SCP2: variants seen among roughly 807,000 people sequenced by gnomAD.
SCP2 encodes sterol carrier protein 2.
SCP2 carries 48 observed loss-of-function variants against 71.4 expected under a neutral mutation model. The observed-to-expected ratio is 0.67, with a 90% CI of 0.53 to 0.86. The LOEUF (loss-of-function observed/expected upper bound fraction) is 0.86. SCP2 is among the 40% of genes least tolerant of loss of function. The pLI is 0.00. For missense variants in SCP2, 560 were observed against 655.6 expected (o/e 0.85, Z 1.59); for synonymous variants, 220 against 218.1 (o/e 1.01, Z -0.08).
intron 5 of SCP2, among the ~76,000 whole-genome samples, chr1:52,960,562 G>GTA (rs771645105): frequency 0.012 from 1,777 of 142,818 alleles, 45 homozygotes; most frequent in African/African-American, 0.044. Context: ...GTGTATATAT[G>GTA]TATGTATATA....
At chr1:53,011,981 AG>A (rs1298673734) in intron 11 of SCP2, among the ~76,000 whole-genome samples, 10 of 152,202 alleles carry the variant, frequency 6.6e-5, no homozygotes, top group African/African-American at 2.4e-4. Flanking sequence ...CCTGTCTCTC[AG>A]TCCCATTCTC....
At chr1:53,048,233 G>A in intron 15 of SCP2, 1 of 384,138 alleles carries the variant, frequency 2.6e-6, no homozygotes, top group East Asian at 6.3e-5. Flanking sequence ...GGAGGATGAA[G>A]GCAGGAGCAG....
intron 2 of SCP2, among the ~76,000 whole-genome samples, chr1:52,945,076 A>G (rs1654649608): frequency 6.6e-6 from 1 of 152,150 alleles, no homozygotes; most frequent in African/African-American, 2.4e-5. Context: ...TAATGAAAAC[A>G]AAATTTTGAC....
chr1:52,950,700 T>A lies in SCP2; in HGVS notation c.200-55T>A. On this transcript the variant is annotated intron_variant, in intron 3 of 15. Transcript: ENST00000371514. ...TGAAAAAACCCATAATGTAGTATTA[T>A]GTTGCATTGCAACTCCATAATTCTC... 6 of 1,434,602 alleles carry A rather than the reference T, an allele frequency of 4.2e-6. No individual in the cohort carries two copies. The South Asian group carries it at 5.7e-5, about 14-fold the overall frequency. The allele number at this position is 1,434,602 out of a possible 1,614,324, so 88.9% of individuals were successfully genotyped here.
At chr1:52,948,907 A>G (rs959461072) in intron 3 of SCP2, among the ~76,000 whole-genome samples, 1 of 151,436 alleles carries the variant, frequency 6.6e-6, no homozygotes, top group African/African-American at 2.4e-5. Flanking sequence ...AGTTTGTACC[A>G]TTTGACTAAC....
In SCP2 at chr1:52,974,726, G is replaced by A. The variant is rs199640703; in HGVS notation, c.524-43G>A. 3.9e-5 allele frequency: 38 copies of A among 977,196 alleles called. No homozygotes were observed. In the African/African-American group the frequency reaches 4.3e-4, roughly 11 times the overall value. 60.5% of individuals were successfully genotyped at this position (977,196 alleles called of 1,614,324 possible). A position where few individuals can be genotyped will look rare whatever the true frequency, so the allele number is the denominator to read the frequency against. ...ATTGCAAGATTTGTTAATAAGCAGCGGAAAAACATTCACCCACTGGTAGAT... is the reference window on the plus strand; with the variant it reads ...ATTGCAAGATTTGTTAATAAGCAGCAGAAAAACATTCACCCACTGGTAGAT... On this transcript the variant is annotated intron_variant, in intron 6 of 15. Transcript: ENST00000371514.
intron 1 of SCP2, among the ~76,000 whole-genome samples, chr1:52,936,108 G>A (rs1323626427): frequency 6.6e-6 from 1 of 152,158 alleles, no homozygotes; most frequent in Non-Finnish European, 1.5e-5. Context: ...AAAGATAATT[G>A]CAGAAATGCT....
intron 13 of SCP2, among the ~76,000 whole-genome samples, chr1:53,035,739 T>C (rs1662879856): frequency 6.6e-6 from 1 of 152,132 alleles, no homozygotes; most frequent in Non-Finnish European, 1.5e-5. Flanking sequence ...AACAACAAGA[T>C]GCTAACATTC....
intron 12 of SCP2, among the ~76,000 whole-genome samples, chr1:53,015,481 C>G (rs1661272532): frequency 6.6e-6 from 1 of 152,166 alleles, no homozygotes; most frequent in Admixed American, 6.5e-5. Flanking sequence ...GACTTTCTTC[C>G]TCTCCTTCAA....
intron 6 of SCP2, among the ~76,000 whole-genome samples, chr1:52,968,103 G>A (rs532801890): frequency 6.6e-6 from 1 of 152,108 alleles, no homozygotes; most frequent in East Asian, 1.9e-4. Flanking sequence ...ACCATGCCTG[G>A]CTAATTTTTT....
intron 1 of SCP2, among the ~76,000 whole-genome samples, chr1:52,932,606 T>G (rs1653265002): frequency 6.6e-6 from 1 of 152,216 alleles, no homozygotes; most frequent in South Asian, 2.1e-4. Context: ...GAATATGTTC[T>G]GGATGGGTCC....
At chr1:52,985,645 A>T (rs985242631) in intron 10 of SCP2, among the ~76,000 whole-genome samples, 1 of 152,186 alleles carries the variant, frequency 6.6e-6, no homozygotes, top group African/African-American at 2.4e-5. Flanking sequence ...CGAACAAGCC[A>T]AATATGATCT....
At position 52,976,782 on chromosome 1, in the gene SCP2, T is replaced by C; in HGVS notation, c.674+13T>C. 7.9e-7 allele frequency: 1 copy of C among 1,257,904 alleles called. No individual in the cohort carries two copies. Among genetic ancestry groups the C allele is most frequent in the Non-Finnish European group, 1.2e-6 (1 of 855,396 alleles). 77.9% of individuals were successfully genotyped at this position (1,257,904 alleles called of 1,614,324 possible). A position where few individuals can be genotyped will look rare whatever the true frequency, so the allele number is the denominator to read the frequency against. ...TCTTACAATGTTGGTAAGAAAAATA[T>C]ATTTTAACATTTAATGAGGGAAGTA... On this transcript the variant is annotated intron_variant, in intron 8 of 15. Transcript: ENST00000371514.
chr1:52,995,913 T>A, intron 11 of SCP2: 1 of 1,491,504 alleles, frequency 6.7e-7, no homozygotes, highest in Non-Finnish European at 8.9e-7. Flanking sequence ...GAGACGAGAG[T>A]TCAACAAGGC....
intron 2 of SCP2, among the ~76,000 whole-genome samples, chr1:52,942,298 A>G (rs1343183519): frequency 6.6e-6 from 1 of 152,162 alleles, no homozygotes; most frequent in Non-Finnish European, 1.5e-5. Flanking sequence ...CTGTCACTAG[A>G]TTACTGCATG....
intron 2 of SCP2, among the ~76,000 whole-genome samples, chr1:52,944,184 C>G (rs1572059191): frequency 6.6e-6 from 1 of 152,342 alleles, no homozygotes; most frequent in African/African-American, 2.4e-5. Context: ...GCCTCCCCAA[C>G]TCAATTCCTG....
At chr1:52,976,481 C>T (rs1456212774) in intron 7 of SCP2, among the ~76,000 whole-genome samples, 1 of 151,968 alleles carries the variant, frequency 6.6e-6, no homozygotes, top group Non-Finnish European at 1.5e-5. Context: ...AGGACAAAGA[C>T]CAAATTTTAA....
intron 9 of SCP2, among the ~76,000 whole-genome samples, chr1:52,979,168 A>ATTTCTT (rs1658245355): frequency 6.6e-6 from 1 of 151,800 alleles, no homozygotes; most frequent in Non-Finnish European, 1.5e-5. Context: ...CCACAGTTTT[A>ATTTCTT]TTTCTTTTTC....
intron 6 of SCP2, among the ~76,000 whole-genome samples, chr1:52,969,376 G>A (rs1428158729): frequency 1.3e-5 from 2 of 151,338 alleles, no homozygotes; most frequent in African/African-American, 2.4e-5. Flanking sequence ...TGGTGTGGTG[G>A]CACATGCCTA....
Sources: allele counts gnomAD v4.1 joint callset (sites outside exome capture counted in the v4.1 genomes callset), GRCh38; gene constraint gnomAD v4.1.1; transcripts MANE v1.5; gene names NCBI Gene and HGNC (gene_info 2026-07-23, HGNC 2026-07-21).